The following ABL1 variants were observed in gnomAD, a reference collection of about 807,000 sequenced individuals.
The protein encoded by ABL1 is ABL proto-oncogene 1, non-receptor tyrosine kinase, also known as tyrosine-protein kinase ABL1.
ABL1 carries 11 observed loss-of-function variants against 94.7 expected under a neutral mutation model. That is an observed-to-expected ratio of 0.12 (90% CI 0.07 to 0.19). The LOEUF (loss-of-function observed/expected upper bound fraction) is 0.19, where lower values mean the gene tolerates loss of function less well. ABL1 is among the 10% of genes least tolerant of loss of function. ABL1 has a pLI of 1.00. For missense variants in ABL1, 1,082 were observed against 1,489.4 expected, an observed-to-expected ratio of 0.73 and a Z score of 4.50; for synonymous variants, 656 against 622.4, an observed-to-expected ratio of 1.05 and a Z score of -0.80.
chr9:130,781,470 C>T (rs757708757), intron 1 of ABL1, among the ~76,000 whole-genome samples: 24 of 152,128 alleles, frequency 1.6e-4, no homozygotes, highest in Non-Finnish European at 3.1e-4. Flanking sequence ...TGTTGACATG[C>T]GTTTGGATTT....
chr9:130,849,588 G>A lies in ABL1; in HGVS notation c.80-4476G>A, dbSNP rs538052499. ...AGGCAGAGTGCAGTGCCGCGACCTT[G>A]GCTCACTGCAACCTCTGCCTCCCAG... On this transcript the variant is annotated intron_variant, in intron 1 of 10. Transcript: ENST00000318560. Among the ~76,000 whole-genome samples the A allele has an allele frequency of 6.6e-5, 10 of 152,112 alleles. No individual in the cohort carries two copies. The South Asian group carries it at 2.1e-3, about 32-fold the overall frequency.
In ABL1 at chr9:130,862,517, G is replaced by C. The variant is rs148335980; in HGVS notation, c.550-246G>C. 3.3e-5 allele frequency among the ~76,000 whole-genome samples: 5 copies of C among 152,322 alleles called. No homozygotes were observed. Among genetic ancestry groups the C allele is most frequent in the Non-Finnish European group, 7.4e-5 (5 of 68,022 alleles). ...ATGAGGGAGTGGGAGATTTCAGGCA[G>C]AGGGAGCAGCAGCAGGTACAGAGGC... On this transcript the variant is annotated intron_variant, in intron 3 of 10. Transcript: ENST00000318560. This position sits in a 1 kb window ranked among gnomAD's most constrained non-coding sequence, Gnocchi z 5.5.
intron 1 of ABL1, among the ~76,000 whole-genome samples, chr9:130,760,038 C>T (rs993673078): frequency 2.9e-5 from 4 of 137,852 alleles, no homozygotes; most frequent in African/African-American, 1.1e-4. Flanking sequence ...AACTCCTGGG[C>T]TTAGGCAATC....
chr9:130,822,110 T>A (rs1225329615), intron 1 of ABL1, among the ~76,000 whole-genome samples: 1 of 152,130 alleles, frequency 6.6e-6, no homozygotes, highest in African/African-American at 2.4e-5. Context: ...AGTGCTGGCA[T>A]TACAGGCGTG....
chr9:130,810,021 GCA>G (rs1412387165), intron 1 of ABL1, among the ~76,000 whole-genome samples: 1 of 152,228 alleles, frequency 6.6e-6, no homozygotes, highest in Non-Finnish European at 1.5e-5. Context: ...GTGGTAAAAT[GCA>G]CAATGTTTAC....
At chr9:130,750,766 C>T (rs992328773) in intron 1 of ABL1, among the ~76,000 whole-genome samples, 1 of 150,226 alleles carries the variant, frequency 6.7e-6, no homozygotes, top group African/African-American at 2.5e-5. Context: ...TCTGCCTCAG[C>T]CTCCCGAGTA....
chr9:130,732,655 A>T (rs1428794132), intron 1 of ABL1, among the ~76,000 whole-genome samples: 1 of 151,962 alleles, frequency 6.6e-6, no homozygotes, highest in Non-Finnish European at 1.5e-5. Flanking sequence ...TAGTGGGAAT[A>T]TTGTCCCTGT....
intron 1 of ABL1, among the ~76,000 whole-genome samples, chr9:130,721,297 G>A (rs1831510862): frequency 6.6e-6 from 1 of 151,326 alleles, no homozygotes; most frequent in East Asian, 2.0e-4. Flanking sequence ...GGGATCACGT[G>A]AACCTGGGAA....
upstream of ABL1, among the ~76,000 whole-genome samples, chr9:130,831,097 A>G (rs1830489748): frequency 6.6e-6 from 1 of 152,246 alleles, no homozygotes; most frequent in Non-Finnish European, 1.5e-5. Context: ...TGTTTGCTGA[A>G]TCAGAGAAAG....
At chr9:130,820,265 G>A (rs1830341913) in intron 1 of ABL1, among the ~76,000 whole-genome samples, 1 of 152,160 alleles carries the variant, frequency 6.6e-6, no homozygotes, top group South Asian at 2.1e-4. Context: ...TAAGATGCAG[G>A]TGGGGTCATG....
intron 1 of ABL1, among the ~76,000 whole-genome samples, chr9:130,807,802 A>G (rs1830148508): frequency 1.4e-5 from 2 of 146,864 alleles, no homozygotes; most frequent in Non-Finnish European, 3.0e-5. Context: ...GGTTCAAGAG[A>G]TTCTCCTGCC....
intron 1 of ABL1, among the ~76,000 whole-genome samples, chr9:130,732,774 A>C (rs1588214579): frequency 8.9e-6 from 1 of 112,186 alleles, no homozygotes; most frequent in Admixed American, 9.4e-5. Context: ...TTATAGGCAC[A>C]GTGTTTTTTT....
intron 6 of ABL1, among the ~76,000 whole-genome samples, chr9:130,873,376 G>A (rs912530809): frequency 6.6e-6 from 1 of 152,236 alleles, no homozygotes; most frequent in African/African-American, 2.4e-5. Context: ...AGTCCCCTCT[G>A]AAAGAGAGTA....
At chr9:130,738,524 TA>T (rs1831774087) in intron 1 of ABL1, among the ~76,000 whole-genome samples, 2 of 152,180 alleles carry the variant, frequency 1.3e-5, no homozygotes, top group South Asian at 4.1e-4. Context: ...TGAGTGATGG[TA>T]ATACAGCAGG....
At chr9:130,796,644 T>C (rs561635214) in intron 1 of ABL1, among the ~76,000 whole-genome samples, 1 of 152,046 alleles carries the variant, frequency 6.6e-6, no homozygotes, top group Non-Finnish European at 1.5e-5. Flanking sequence ...GCAAACTAAA[T>C]CAGCTAGTTC....
chr9:130,794,270 G>A (rs1378831220), intron 1 of ABL1, among the ~76,000 whole-genome samples: 2 of 152,008 alleles, frequency 1.3e-5, no homozygotes, highest in African/African-American at 2.4e-5. Flanking sequence ...AAACTGCAAC[G>A]TTTGTAACTG....
At chr9:130,771,331 C>T (rs1297940627) in intron 1 of ABL1, among the ~76,000 whole-genome samples, 1 of 152,092 alleles carries the variant, frequency 6.6e-6, no homozygotes, top group Non-Finnish European at 1.5e-5. Flanking sequence ...GTGATCTTCC[C>T]ACCTCAGCCT....
chr9:130,805,040 G>A (rs1009076014), intron 1 of ABL1, among the ~76,000 whole-genome samples: 1 of 152,152 alleles, frequency 6.6e-6, no homozygotes, highest in African/African-American at 2.4e-5. Context: ...TCTTTTAAGT[G>A]AATAATCTTG....
chr9:130,806,257 T>C (rs772157962), intron 1 of ABL1, among the ~76,000 whole-genome samples: 12 of 152,294 alleles, frequency 7.9e-5, no homozygotes, highest in South Asian at 2.1e-4. Flanking sequence ...TTAACAGATA[T>C]ACAAACATGG....
Sources: allele counts gnomAD v4.1 joint callset (sites outside exome capture counted in the v4.1 genomes callset), GRCh38; gene constraint gnomAD v4.1.1; non-coding constraint Gnocchi (gnomAD v3.1); transcripts MANE v1.5; gene names NCBI Gene and HGNC (gene_info 2026-07-23, HGNC 2026-07-21).